The following DAAM1 variants were observed in gnomAD, a reference collection of about 807,000 sequenced individuals.
The protein encoded by DAAM1 is disheveled-associated activator of morphogenesis 1.
Under a neutral mutation model 130.0 loss-of-function variants are expected in DAAM1, and 52 were observed. The observed-to-expected ratio is 0.40, with a 90% CI of 0.32 to 0.50. The LOEUF (loss-of-function observed/expected upper bound fraction) is 0.50. Among genes scored for constraint, DAAM1 ranks in the 20% least tolerant of loss-of-function variants. The pLI is 0.61. For synonymous variants in DAAM1, 452 were observed against 444.5 expected (o/e 1.02, Z -0.21); for missense variants, 1,134 against 1,303.8 (o/e 0.87, Z 2.01).
chr14:59,315,269 C>T lies in DAAM1; in HGVS notation c.274-11C>T, dbSNP rs753938164. 3 of 1,613,642 alleles carry T rather than the reference C, an allele frequency of 1.9e-6. No homozygotes were observed. The highest frequency in any genetic ancestry group is 2.5e-6 in the Non-Finnish European group (3 of 1,179,760). On this transcript the variant is annotated splice_polypyrimidine_tract_variant and intron_variant, in intron 3 of 24. Transcript: ENST00000360909. ...TTGGGTGGTATGTCACTTTTTTTCCCCCCTTTTTAGGACCAGGAAGAAAAC... is the reference window on the plus strand; with the variant it reads ...TTGGGTGGTATGTCACTTTTTTTCCTCCCTTTTTAGGACCAGGAAGAAAAC...
At chr14:59,211,333 T>C (rs1175454107) in intron 1 of DAAM1, among the ~76,000 whole-genome samples, 4 of 152,234 alleles carry the variant, frequency 2.6e-5, no homozygotes, top group Non-Finnish European at 5.9e-5. Context: ...TCCATCTGTA[T>C]TTAAGAAAAC....
intron 1 of DAAM1, among the ~76,000 whole-genome samples, chr14:59,222,774 C>T (rs1888818710): frequency 6.6e-6 from 1 of 152,236 alleles, no homozygotes; most frequent in Non-Finnish European, 1.5e-5. Context: ...GGTCTGTCAA[C>T]ATACTTCTCC....
intron 16 of DAAM1, among the ~76,000 whole-genome samples, chr14:59,344,899 A>T (rs997002109): frequency 3.3e-5 from 5 of 152,124 alleles, no homozygotes; most frequent in Admixed American, 3.3e-4. Flanking sequence ...ACTCAGCAGA[A>T]CTACACCATA....
At chr14:59,216,960 G>A (rs1010341055) in intron 1 of DAAM1, among the ~76,000 whole-genome samples, 4 of 151,698 alleles carry the variant, frequency 2.6e-5, no homozygotes, top group African/African-American at 9.7e-5. Flanking sequence ...ATGCTTGAAA[G>A]TTGAGAGACA....
chr14:59,358,619 G>C (rs1331956028), intron 20 of DAAM1, among the ~76,000 whole-genome samples: 1 of 152,076 alleles, frequency 6.6e-6, no homozygotes, highest in East Asian at 1.9e-4. Flanking sequence ...GAGGCGGGTG[G>C]ATCACCTGAG....
chr14:59,228,892 T>G (rs1412266548), intron 1 of DAAM1, among the ~76,000 whole-genome samples: 1 of 152,232 alleles, frequency 6.6e-6, no homozygotes, highest in Non-Finnish European at 1.5e-5. Context: ...AGTCCATTGG[T>G]AGAATGGATA....
intron 4 of DAAM1, among the ~76,000 whole-genome samples, chr14:59,319,602 C>T (rs753469768): frequency 1.6e-3 from 249 of 152,212 alleles, no homozygotes; most frequent in Non-Finnish European, 2.9e-3. Flanking sequence ...GAAAAGGGAC[C>T]AGGAGCTCCA....
chr14:59,365,176 G>GGT (rs142052675), intron 23 of DAAM1, among the ~76,000 whole-genome samples: 12 of 152,068 alleles, frequency 7.9e-5, no homozygotes, highest in South Asian at 2.1e-4. Context: ...CACTGACTGG[G>GGT]GTGTGTGTGT....
At chr14:59,244,977 T>C (rs534334459) in intron 1 of DAAM1, among the ~76,000 whole-genome samples, 8 of 152,244 alleles carry the variant, frequency 5.3e-5, no homozygotes, top group South Asian at 4.1e-4. Flanking sequence ...GAAGACTGGC[T>C]GTCCTGGTTG....
chr14:59,249,400 A>G (rs1211439196), intron 1 of DAAM1, among the ~76,000 whole-genome samples: 1 of 152,192 alleles, frequency 6.6e-6, no homozygotes, highest in Non-Finnish European at 1.5e-5. Flanking sequence ...TGGCAATTTT[A>G]TTTCACTGGG....
At chr14:59,352,991 CAAA>C (rs34084858) in intron 18 of DAAM1, among the ~76,000 whole-genome samples, 7 of 129,504 alleles carry the variant, frequency 5.4e-5, no homozygotes, top group African/African-American at 5.6e-5. Context: ...GGTTGTAAAA[CAAA>C]AAAAAAAAAA....
At chr14:59,318,190 T>G (rs1304582196) in intron 4 of DAAM1, among the ~76,000 whole-genome samples, 1 of 152,068 alleles carries the variant, frequency 6.6e-6, no homozygotes, top group Non-Finnish European at 1.5e-5. Context: ...TTCTCCATGC[T>G]TTCTCAAGGA....
At chr14:59,222,498 T>G (rs528443105) in intron 1 of DAAM1, among the ~76,000 whole-genome samples, 32 of 152,274 alleles carry the variant, frequency 2.1e-4, no homozygotes, top group African/African-American at 7.7e-4. Context: ...GCTGGCAGAT[T>G]GGGCACTCAG....
intron 1 of DAAM1, among the ~76,000 whole-genome samples, chr14:59,202,228 AC>A (rs1259133014): frequency 6.6e-6 from 1 of 152,196 alleles, no homozygotes; most frequent in African/African-American, 2.4e-5. Context: ...GGCGTCATAG[AC>A]GTGGGCAGGT....
At chr14:59,329,644 C>T (rs1415776179) in intron 12 of DAAM1, among the ~76,000 whole-genome samples, 2 of 152,108 alleles carry the variant, frequency 1.3e-5, no homozygotes, top group South Asian at 2.1e-4. Flanking sequence ...AATAAAAATC[C>T]GCAGCCTAAA....
chr14:59,277,770 G>T (rs975615649), intron 2 of DAAM1, among the ~76,000 whole-genome samples: 2 of 152,084 alleles, frequency 1.3e-5, no homozygotes, highest in Non-Finnish European at 2.9e-5. Context: ...GATGTAGTAA[G>T]ATTTAGATTC....
intron 1 of DAAM1, among the ~76,000 whole-genome samples, chr14:59,203,267 C>G (rs1277211589): frequency 1.3e-5 from 2 of 150,870 alleles, no homozygotes; most frequent in African/African-American, 4.9e-5. Flanking sequence ...CTTGGCCTCC[C>G]AAAGTGCTGG....
Position 59,326,258 on chromosome 14 carries a change from GAAAC to G in DAAM1, c.1174+185_1174+188del, listed in dbSNP as rs1885198390. The G allele has an allele frequency of 3.8e-5, 26 of 692,814 alleles. 1 individual carries two copies. The South Asian group carries it at 5.9e-4, about 16-fold the overall frequency. 42.9% of individuals were successfully genotyped at this position (692,814 alleles called of 1,614,324 possible). A position where few individuals can be genotyped will look rare whatever the true frequency, so the allele number is the denominator to read the frequency against. ...AAGGGTGTTACAAAATTTTTTAAAT[GAAAC>G]AAATTAAAATTTTGATTTTAAAAAT... On this transcript the variant is annotated intron_variant, in intron 10 of 24. Coordinates refer to ENST00000360909, the MANE Select transcript of DAAM1 (RefSeq NM_001270520.2).
chr14:59,345,245 T>C (rs1886026437), intron 16 of DAAM1, among the ~76,000 whole-genome samples: 1 of 152,194 alleles, frequency 6.6e-6, no homozygotes, highest in Non-Finnish European at 1.5e-5. Context: ...TCTAACGCGA[T>C]ATTCTGGGAA....
Sources: allele counts gnomAD v4.1 joint callset (sites outside exome capture counted in the v4.1 genomes callset), GRCh38; gene constraint gnomAD v4.1.1; transcripts MANE v1.5; gene names NCBI Gene and HGNC (gene_info 2026-07-23, HGNC 2026-07-21).